Variants in KALRN observed in about 807,000 individuals in gnomAD.
KALRN encodes kalirin RhoGEF kinase.
In KALRN, 70 loss-of-function variants were observed where a neutral mutation model predicts 353.7. That is an observed-to-expected ratio of 0.20 (90% CI 0.16 to 0.24). The LOEUF (loss-of-function observed/expected upper bound fraction) is 0.24, where lower values mean the gene tolerates loss of function less well. Among genes scored for constraint, KALRN ranks in the 10% least tolerant of loss-of-function variants. The pLI, the probability that KALRN is intolerant of heterozygous loss-of-function variation, is 1.00. For synonymous variants in KALRN, 1,391 were observed against 1,434.8 expected (o/e 0.97, Z 0.69); for missense variants, 2,791 against 3,756.7 (o/e 0.74, Z 6.72).
At chr3:124,201,646 A>G (rs1367169877) in intron 1 of KALRN, among the ~76,000 whole-genome samples, 1 of 152,162 alleles carries the variant, frequency 6.6e-6, no homozygotes, top group Non-Finnish European at 1.5e-5. Flanking sequence ...GATGGATGTG[A>G]TCTCCATCCT....
At chr3:124,702,769 C>T (rs1003463818) in intron 57 of KALRN, among the ~76,000 whole-genome samples, 1 of 152,186 alleles carries the variant, frequency 6.6e-6, no homozygotes, top group African/African-American at 2.4e-5. Flanking sequence ...AATCCTCCCC[C>T]TGCCACACAC....
intron 33 of KALRN, among the ~76,000 whole-genome samples, chr3:124,557,134 T>A (rs2071362348): frequency 6.6e-6 from 1 of 152,220 alleles, no homozygotes; most frequent in Non-Finnish European, 1.5e-5. Context: ...CACCTAGGTA[T>A]ATTGTGTGAT....
At chr3:124,515,852 A>G (rs1424975914) in intron 33 of KALRN, among the ~76,000 whole-genome samples, 3 of 152,178 alleles carry the variant, frequency 2.0e-5, no homozygotes, top group African/African-American at 7.2e-5. Flanking sequence ...CTATGCATTG[A>G]TGTTTAGTTT....
chr3:124,494,166 C>T (rs1042891394), intron 32 of KALRN, among the ~76,000 whole-genome samples: 3 of 152,180 alleles, frequency 2.0e-5, no homozygotes, highest in African/African-American at 7.2e-5. Flanking sequence ...CTTGGAAATG[C>T]CCCCACCTTT....
intron 37 of KALRN, among the ~76,000 whole-genome samples, chr3:124,648,400 C>T (rs1376998677): frequency 6.6e-6 from 1 of 152,200 alleles, no homozygotes; most frequent in Non-Finnish European, 1.5e-5. Flanking sequence ...TAATGGACTC[C>T]TCAGATGTTC....
intron 13 of KALRN, among the ~76,000 whole-genome samples, chr3:124,409,442 C>T (rs1348403719): frequency 2.6e-5 from 4 of 152,128 alleles, no homozygotes; most frequent in Non-Finnish European, 5.9e-5. Context: ...GAAAAATATT[C>T]GGGTCTAGGT....
rs3054177 is a variant in KALRN, at chr3:124,265,298, C to CTTTTTTTT, written c.456+615_456+622dup. On this transcript the variant is annotated intron_variant, in intron 4 of 59. Transcript: ENST00000682506. ...CTAGTAACTAATTTAAGAAAATATT[C>CTTTTTTTT]TTTTTTTTTTTTTTGAGATAGAGTC... is the stretch of plus-strand genomic sequence containing the variant. Among the ~76,000 whole-genome samples the CTTTTTTTT allele has an allele frequency of 6.0e-3, 440 of 73,106 alleles. 107 individuals are homozygous for CTTTTTTTT. Among genetic ancestry groups the CTTTTTTTT allele is most frequent in the Middle Eastern group, 0.022 (3 of 134 alleles). 48.0% of individuals were successfully genotyped at this position (73,106 alleles called of 152,430 possible).
At chr3:124,564,026 TA>T (rs942266615) in intron 34 of KALRN, among the ~76,000 whole-genome samples, 1 of 95,682 alleles carries the variant, frequency 1.0e-5, no homozygotes, top group Admixed American at 1.1e-4. Flanking sequence ...AAAAAAAAAT[TA>T]AAAAAATTAG....
At chr3:124,449,258 A>G (rs886786139) in intron 21 of KALRN, among the ~76,000 whole-genome samples, 2 of 152,222 alleles carry the variant, frequency 1.3e-5, no homozygotes, top group Non-Finnish European at 2.9e-5. Context: ...GAATTTAATA[A>G]TACTGTGGTC....
intron 51 of KALRN, among the ~76,000 whole-genome samples, chr3:124,687,470 T>G (rs2061615911): frequency 6.6e-6 from 1 of 152,120 alleles, no homozygotes; most frequent in Admixed American, 6.5e-5. Context: ...GCTTTCATTA[T>G]TCTGTTAAAA....
chr3:124,563,176 C>G, intron 34 of KALRN, 87 bp downstream of exon 34: 1 of 1,278,148 alleles, frequency 7.8e-7, no homozygotes, highest in South Asian at 1.3e-5. Context: ...ATGGAAGTGA[C>G]CTGTCTCACA....
At chr3:124,672,482 C>T (rs2086587477) in intron 48 of KALRN, among the ~76,000 whole-genome samples, 2 of 152,154 alleles carry the variant, frequency 1.3e-5, no homozygotes, top group African/African-American at 4.8e-5. Context: ...AAGAGTTCAC[C>T]CTTTCTAATG....
chr3:124,670,584 A>G (rs1272796734), intron 47 of KALRN, among the ~76,000 whole-genome samples: 1 of 152,214 alleles, frequency 6.6e-6, no homozygotes, highest in Non-Finnish European at 1.5e-5. Flanking sequence ...CCCTATGTTG[A>G]GTCCTGTTGA....
Position 124,334,899 on chromosome 3 carries a change from A to G in KALRN, c.1647+404A>G, listed in dbSNP as rs1008280309. Among the ~76,000 whole-genome samples the G allele has an allele frequency of 1.3e-5, 2 of 152,138 alleles. No homozygotes were observed. Among genetic ancestry groups the G allele is most frequent in the African/African-American group, 4.8e-5 (2 of 41,426 alleles). ...AACCTCCGCTTTCTGGGTTCAAGCG[A>G]TTCTTGTTCCTCAGCCTCCCAAGTA... On this transcript the variant is annotated intron_variant, in intron 9 of 59. Coordinates refer to ENST00000682506, the MANE Select transcript of KALRN (RefSeq NM_001388419.1). The surrounding 1 kb of genome is among the most constrained non-coding windows in gnomAD (Gnocchi z 4.2).
intron 5 of KALRN, among the ~76,000 whole-genome samples, chr3:124,286,575 G>A (rs1157078367): frequency 6.6e-6 from 1 of 152,072 alleles, no homozygotes; most frequent in African/African-American, 2.4e-5. Flanking sequence ...CTATTGATTT[G>A]TTTTCAAGTT....
At chr3:124,285,234 A>G (rs1275662605) in intron 5 of KALRN, among the ~76,000 whole-genome samples, 1 of 152,204 alleles carries the variant, frequency 6.6e-6, no homozygotes, top group Non-Finnish European at 1.5e-5. Flanking sequence ...ATCAATGTTC[A>G]ATATACTACT....
Position 124,227,867 on chromosome 3 carries a change from G to A in KALRN, c.74-123G>A, listed in dbSNP as rs2078745084. ...CTCTCCTGGTCCATCGGGCTGGGCT[G>A]TAGGACCTGGACAAGGCAGGACTTG... is the stretch of plus-strand genomic sequence containing the variant. On this transcript the variant is annotated intron_variant, in intron 1 of 59. Coordinates refer to ENST00000682506, the MANE Select transcript of KALRN (RefSeq NM_001388419.1). 5 of 789,882 alleles carry A rather than the reference G, an allele frequency of 6.3e-6. No individual in the cohort carries two copies. The South Asian group carries it at 7.0e-5, about 11-fold the overall frequency. The allele number at this position is 789,882 out of a possible 1,614,324, so 48.9% of individuals were successfully genotyped here.
At chr3:124,166,477 AT>A (rs1437477870) in intron 1 of KALRN, among the ~76,000 whole-genome samples, 2 of 152,120 alleles carry the variant, frequency 1.3e-5, no homozygotes, top group African/African-American at 2.4e-5. Context: ...TTTTTTTCAC[AT>A]TTTCTTAATT....
chr3:124,333,905 C>A (rs111781614), intron 8 of KALRN, among the ~76,000 whole-genome samples: 21 of 152,252 alleles, frequency 1.4e-4, no homozygotes, highest in African/African-American at 4.8e-4. Flanking sequence ...AACAAACAAA[C>A]AAACAAAAAT....
Sources: gnomAD v4.1 joint callset for allele counts (sites outside exome capture counted in the v4.1 genomes callset) on GRCh38, gnomAD v4.1.1 for gene constraint, Gnocchi (gnomAD v3.1) non-coding constraint, MANE v1.5 for transcripts, NCBI Gene and HGNC (gene_info 2026-07-23, HGNC 2026-07-21) for gene names.